The following EXT1 variants were observed in gnomAD, a reference collection of about 807,000 sequenced individuals.
EXT1 encodes exostosin glycosyltransferase 1, also known as exostosin-1.
EXT1 carries 20 observed loss-of-function variants against 82.5 expected under a neutral mutation model. The ratio of observed to expected loss-of-function variants is 0.24; its 90% CI spans 0.17 to 0.35. The LOEUF (loss-of-function observed/expected upper bound fraction) is 0.35, where lower values mean the gene tolerates loss of function less well. Ranked by LOEUF, EXT1 falls within the 10% of genes least tolerant of loss-of-function variation. The pLI is 1.00. For missense variants in EXT1, 757 were observed against 936.5 expected (o/e 0.81, Z 2.50); for synonymous variants, 348 against 350.8 (o/e 0.99, Z 0.09).
At chr8:117,873,479 AG>A (rs1027456623) in intron 1 of EXT1, among the ~76,000 whole-genome samples, 3 of 119,038 alleles carry the variant, frequency 2.5e-5, no homozygotes, top group Non-Finnish European at 3.3e-5. Context: ...TTTTTGAGAC[AG>A]GGTATTGCTC....
chr8:118,111,222 G>T lies in EXT1; in HGVS notation c.-176C>A. ...GTGGACTGATCCAGCGCATGTGGGC[G>T]ATTTCTTTAACTTTCTCCCCTTCGG... is the stretch of plus-strand genomic sequence containing the variant. On this transcript the variant is annotated 5_prime_UTR_variant, in exon 1 of 11. Coordinates refer to ENST00000378204, the MANE Select transcript of EXT1 (RefSeq NM_000127.3). 1 of 896,640 alleles carries T rather than the reference G, an allele frequency of 1.1e-6. No individual in the cohort carries two copies. Among genetic ancestry groups the T allele is most frequent in the South Asian group, 1.5e-5 (1 of 65,926 alleles). 55.5% of individuals were successfully genotyped at this position (896,640 alleles called of 1,614,324 possible). A position where few individuals can be genotyped will look rare whatever the true frequency, so the allele number is the denominator to read the frequency against.
chr8:118,094,515 GAACA>G (rs1163504026), intron 1 of EXT1, among the ~76,000 whole-genome samples: 1 of 152,214 alleles, frequency 6.6e-6, no homozygotes, highest in African/African-American at 2.4e-5. Context: ...TAGTTTAATG[GAACA>G]GACAGAATAA....
intron 1 of EXT1, among the ~76,000 whole-genome samples, chr8:118,045,382 A>G (rs1159823542): frequency 6.6e-6 from 1 of 152,220 alleles, no homozygotes; most frequent in Non-Finnish European, 1.5e-5. Context: ...CAAGTTCAAC[A>G]TAAAAGACAG....
chr8:117,802,034 A>C (rs1253151058), intron 10 of EXT1, among the ~76,000 whole-genome samples: 3 of 152,238 alleles, frequency 2.0e-5, no homozygotes, highest in African/African-American at 7.2e-5. Context: ...ATGTAATAAA[A>C]GCCTAATCCT....
At position 118,111,139 on chromosome 8, in the gene EXT1, G is replaced by A. The variant is rs1371646862; in HGVS notation, c.-93C>T. ...TTCAGCTCCAGTCCGCCATCTTCCC[G>A]CCTGTAAAGACTTCAAACTCTCCGC... On this transcript the variant is annotated 5_prime_UTR_variant, in exon 1 of 11. Coordinates refer to ENST00000378204, the MANE Select transcript of EXT1 (RefSeq NM_000127.3). The A allele has an allele frequency of 2.6e-6, 4 of 1,515,788 alleles. No homozygotes were observed. Among genetic ancestry groups the A allele is most frequent in the Non-Finnish European group, 3.5e-6 (4 of 1,129,616 alleles). The allele number at this position is 1,515,788 out of a possible 1,614,324, so 93.9% of individuals were successfully genotyped here.
intron 1 of EXT1, among the ~76,000 whole-genome samples, chr8:118,031,538 T>A (rs550639312): frequency 1.3e-5 from 2 of 151,150 alleles, no homozygotes; most frequent in African/African-American, 4.9e-5. Flanking sequence ...AAAAAAAAAA[T>A]TCAAATATTT....
Position 118,081,518 on chromosome 8 carries a change from G to A in EXT1, c.962+28567C>T, listed in dbSNP as rs17480347. Among the ~76,000 whole-genome samples, 857 of 152,262 alleles carry A rather than the reference G, an allele frequency of 5.6e-3. 18 individuals are homozygous for A. The East Asian group carries it at 0.065, about 12-fold the overall frequency. The stretch of plus-strand genomic sequence containing the variant: ...CCAATGTCTACAGAACAGGTATTTG[G>A]GGGTCTTACCTTTCATAAAGTGTTT... On this transcript the variant is annotated intron_variant, in intron 1 of 10. Transcript: ENST00000378204.
At chr8:117,926,331 C>T (rs988426266) in intron 1 of EXT1, among the ~76,000 whole-genome samples, 5 of 152,184 alleles carry the variant, frequency 3.3e-5, no homozygotes, top group African/African-American at 1.2e-4. Flanking sequence ...TGCTTTACAG[C>T]CTATAATCCT....
intron 1 of EXT1, among the ~76,000 whole-genome samples, chr8:117,925,760 T>C (rs1468266361): frequency 6.7e-6 from 1 of 149,056 alleles, no homozygotes; most frequent in Non-Finnish European, 1.5e-5. Context: ...TAGCCATGTG[T>C]GGTGGCACAC....
intron 1 of EXT1, among the ~76,000 whole-genome samples, chr8:117,963,676 G>T (rs577595888): frequency 1.3e-3 from 199 of 152,048 alleles, no homozygotes; most frequent in Non-Finnish European, 2.1e-3. Context: ...TTTTAGTGGA[G>T]ATGGGGTTTC....
intron 1 of EXT1, among the ~76,000 whole-genome samples, chr8:117,904,711 G>GA (rs1813511559): frequency 6.6e-6 from 1 of 152,146 alleles, no homozygotes; most frequent in South Asian, 2.1e-4. Flanking sequence ...GTGGCTTCAT[G>GA]AAAATTCTTG....
At chr8:117,866,287 A>G (rs1812772900) in intron 1 of EXT1, among the ~76,000 whole-genome samples, 1 of 152,240 alleles carries the variant, frequency 6.6e-6, no homozygotes, top group African/African-American at 2.4e-5. Flanking sequence ...TTCAAAATAT[A>G]ATTTTCAATT....
intron 1 of EXT1, among the ~76,000 whole-genome samples, chr8:118,090,528 A>C (rs1209398370): frequency 6.6e-6 from 1 of 152,134 alleles, no homozygotes; most frequent in Non-Finnish European, 1.5e-5. Context: ...CTGTAATCCC[A>C]GCACTTTGGG....
chr8:118,100,332 A>G (rs1817695779), intron 1 of EXT1, among the ~76,000 whole-genome samples: 1 of 152,120 alleles, frequency 6.6e-6, no homozygotes, highest in African/African-American at 2.4e-5. Flanking sequence ...AGGTAGCCCA[A>G]ATGATTTTCG....
chr8:118,010,303 C>T (rs1185247359), intron 1 of EXT1, among the ~76,000 whole-genome samples: 8 of 144,736 alleles, frequency 5.5e-5, no homozygotes, highest in African/African-American at 1.3e-4. Flanking sequence ...TCCCGGGAGA[C>T]GGAGCTTGCA....
In EXT1 at chr8:118,111,000, C is replaced by A. The variant is rs545138851; in HGVS notation, c.47G>T (p.Cys16Phe). ...TCCGAAATAAAACAAAAGGGCGAGA[C>A]AAGAGCCAGCTGAGAGCAGGATGAA... Reference protein sequence around the residue: ...RYFILLSAGSCLALLFYFGGL... With the variant: ...RYFILLSAGSFLALLFYFGGL... Residue 16 changes from cysteine to phenylalanine, a missense_variant, in exon 1 of 11, where the codon TGT (cysteine) becomes TTT (phenylalanine). Around this residue, in one of 4 missense-constraint regions of EXT1, gnomAD observed 175 missense variants for 159.0 expected, o/e 1.10. Transcript: ENST00000378204. The A allele has an allele frequency of 1.9e-6, 3 of 1,606,468 alleles. No homozygotes were observed. In the South Asian group the frequency reaches 3.3e-5, roughly 18 times the overall value.
At chr8:117,808,831 C>T (rs139166828) in intron 8 of EXT1, among the ~76,000 whole-genome samples, 38 of 152,220 alleles carry the variant, frequency 2.5e-4, no homozygotes, top group African/African-American at 7.7e-4. Context: ...TTGGAATCCA[C>T]GGGTTCAGTA....
intron 1 of EXT1, among the ~76,000 whole-genome samples, chr8:117,929,206 A>G (rs17504568): frequency 0.021 from 3,189 of 152,348 alleles, 43 homozygotes; most frequent in Middle Eastern, 0.048. Context: ...CAGTGCCTGC[A>G]ACACTGAGCT....
At chr8:117,927,416 G>GA (rs557704697) in intron 1 of EXT1, among the ~76,000 whole-genome samples, 807 of 17,966 alleles carry the variant, frequency 0.045, 2 homozygotes, top group South Asian at 0.12. Flanking sequence ...TCCTCTGGGG[G>GA]AAAAAAAAAA....
Sources: allele counts gnomAD v4.1 joint callset (sites outside exome capture counted in the v4.1 genomes callset), GRCh38; gene constraint gnomAD v4.1.1; regional missense constraint gnomAD v4.1.1; transcripts MANE v1.5; gene names NCBI Gene and HGNC (gene_info 2026-07-23, HGNC 2026-07-21).